NCBP3: variants seen among roughly 807,000 people sequenced by gnomAD.
NCBP3 encodes nuclear cap binding subunit 3, also known as nuclear cap-binding protein subunit 3.
In NCBP3, 20 loss-of-function variants were observed where a neutral mutation model predicts 75.7. The observed-to-expected ratio is 0.26, with a 90% CI of 0.19 to 0.38. NCBP3 has a LOEUF of 0.38. NCBP3 is among the 10% of genes least tolerant of loss of function. The probability of loss-of-function intolerance (pLI) is 1.00; values close to 1 mark genes in which losing one functional copy is unlikely to be tolerated. For missense variants in NCBP3, 678 were observed against 796.9 expected, an observed-to-expected ratio of 0.85 and a Z score of 1.80; for synonymous variants, 293 against 290.5, an observed-to-expected ratio of 1.01 and a Z score of -0.09.
At position 3,809,104 on chromosome 17, in the gene NCBP3, G is replaced by T. The variant is rs2053368519; in HGVS notation, c.*3940C>A. ...TGCTAGACGGCCTGGGCAACATAAC[G>T]AAACCCCATCTGTACAAAATGTATT... On this transcript the variant is annotated 3_prime_UTR_variant, in exon 13 of 13. Coordinates refer to ENST00000389005, the MANE Select transcript of NCBP3 (RefSeq NM_001114118.3). The T allele has an allele frequency of 6.6e-6, 1 of 151,740 alleles. No individual in the cohort carries two copies. Among genetic ancestry groups the T allele is most frequent in the African/African-American group, 2.4e-5 (1 of 41,254 alleles). 9.4% of individuals were successfully genotyped at this position (151,740 alleles called of 1,614,324 possible).
chr17:3,826,749 AAG>A (rs751771558), intron 4 of NCBP3, among the ~76,000 whole-genome samples: 14 of 151,488 alleles, frequency 9.2e-5, no homozygotes, highest in African/African-American at 2.7e-4. Context: ...AAGAAAGAAA[AAG>A]AGAGAGAGAG....
At chr17:3,843,244 T>C (rs1395022586) in intron 1 of NCBP3, 93 bp from the exon 2 acceptor site, 2 of 155,526 alleles carry the variant, frequency 1.3e-5, no homozygotes, top group Admixed American at 1.6e-4. Flanking sequence ...TCTTTTTTCC[T>C]TTTTTTTTTT....
chr17:3,821,862 T>A, intron 8 of NCBP3, 91 bp downstream of exon 8: 1 of 782,524 alleles, frequency 1.3e-6, no homozygotes, highest in Non-Finnish European at 2.1e-6. Flanking sequence ...TCCTTCCAGT[T>A]TACACAGGGT....
At chr17:3,843,543 C>A (rs2054104561) in intron 1 of NCBP3, among the ~76,000 whole-genome samples, 1 of 152,148 alleles carries the variant, frequency 6.6e-6, no homozygotes, top group Admixed American at 6.5e-5. Context: ...CTGGTTCTTT[C>A]TGTTTTTCTG....
At chr17:3,842,996 G>A in intron 2 of NCBP3, 90 bp downstream of exon 2, 1 of 1,087,254 alleles carries the variant, frequency 9.2e-7, no homozygotes. Context: ...CAAAATAAAA[G>A]AGGAAATATT....
intron 3 of NCBP3, among the ~76,000 whole-genome samples, chr17:3,829,706 G>A (rs1008257097): frequency 6.6e-6 from 1 of 152,156 alleles, no homozygotes; most frequent in Non-Finnish European, 1.5e-5. Context: ...TTAGCCAGCT[G>A]CTTCTAAAAT....
At chr17:3,814,544 GCCTGACA>G in intron 11 of NCBP3, 61 bp from the exon 12 acceptor site, 1 of 1,569,446 alleles carries the variant, frequency 6.4e-7, no homozygotes, top group Non-Finnish European at 8.7e-7. Context: ...GGCACCAGCC[GCCTGACA>G]CCTCTAACGG....
intron 3 of NCBP3, among the ~76,000 whole-genome samples, chr17:3,832,163 G>A (rs1192191303): frequency 1.1e-5 from 1 of 92,130 alleles, no homozygotes; most frequent in African/African-American, 3.1e-5. Flanking sequence ...CAGACTGGGC[G>A]ACAGGGCAAG....
chr17:3,815,048 A>G (rs1567580521), intron 11 of NCBP3, among the ~76,000 whole-genome samples: 1 of 152,178 alleles, frequency 6.6e-6, no homozygotes, highest in Non-Finnish European at 1.5e-5. Flanking sequence ...CTTCTCTCAG[A>G]GAGCAGCACC....
chr17:3,813,837 T>C (rs535794577), intron 12 of NCBP3, among the ~76,000 whole-genome samples: 8 of 152,130 alleles, frequency 5.3e-5, no homozygotes, highest in African/African-American at 1.9e-4. Context: ...CTCATTTTTG[T>C]GTTTTTAGTA....
intron 3 of NCBP3, among the ~76,000 whole-genome samples, chr17:3,834,747 AAAAT>A (rs901268425): frequency 6.3e-4 from 96 of 152,292 alleles, no homozygotes; most frequent in African/African-American, 2.1e-3. Context: ...CCATCTCTAA[AAAAT>A]AAATAAATAA....
rs1225829444 is a variant in NCBP3, at chr17:3,816,328, C to T, written c.1311-58G>A. On this transcript the variant is annotated intron_variant, in intron 10 of 12. Coordinates refer to ENST00000389005, the MANE Select transcript of NCBP3 (RefSeq NM_001114118.3). ...ACCAACTTCAACTGTGAGACAAGAC[C>T]CAAACAACAATCTCATACTTTGGAG... is the stretch of plus-strand genomic sequence containing the variant. 6.8e-6 allele frequency: 10 copies of T among 1,468,566 alleles called. No homozygotes were observed. In the African/African-American group the frequency reaches 8.5e-5, roughly 13 times the overall value. 91.0% of individuals were successfully genotyped at this position (1,468,566 alleles called of 1,614,324 possible). A position where few individuals can be genotyped will look rare whatever the true frequency, so the allele number is the denominator to read the frequency against.
rs2054094882 is a variant in NCBP3, at chr17:3,843,078, T to C, written c.249+8A>G. 1 of 1,547,592 alleles carries C rather than the reference T, an allele frequency of 6.5e-7. No individual in the cohort carries two copies. The highest frequency in any genetic ancestry group is 8.7e-7 in the Non-Finnish European group (1 of 1,143,438). ...CAAGCTGAATAAATAAATCATAGCC[T>C]GTCTTACCTTGGAGGTGACATCAAT... is the stretch of plus-strand genomic sequence containing the variant. On this transcript the variant is annotated splice_region_variant and intron_variant, in intron 2 of 12. Coordinates refer to ENST00000389005, the MANE Select transcript of NCBP3 (RefSeq NM_001114118.3).
At position 3,818,562 on chromosome 17, in the gene NCBP3, A is replaced by ATTC; in HGVS notation, c.1008_1010dup (p.Val336_Asn337insLys). ...CCTCTTCAATGGGTTCCTCGGGAAC[A>ATTC]TTCACTAGCCCTGAAGAAATTTAAC... On this transcript the variant is annotated inframe_insertion, in exon 10 of 13. Coordinates refer to ENST00000389005, the MANE Select transcript of NCBP3 (RefSeq NM_001114118.3). The surrounding 1 kb of genome is among the most constrained non-coding windows in gnomAD (Gnocchi z 4.7). 6.2e-7 allele frequency: 1 copy of ATTC among 1,605,106 alleles called. No homozygotes were observed. The highest frequency in any genetic ancestry group is 8.5e-7 in the Non-Finnish European group (1 of 1,178,934).
At position 3,846,153 on chromosome 17, in the gene NCBP3, G is replaced by C; in HGVS notation, c.71C>G (p.Pro24Arg). The C allele has an allele frequency of 6.5e-7, 1 of 1,537,726 alleles. No homozygotes were observed. The highest frequency in any genetic ancestry group is 2.0e-5 in the Admixed American group (1 of 50,254). Residue 24 changes from proline (P) to arginine (R), a missense_variant, in exon 1 of 13, where the codon CCG (proline) becomes CGG (arginine). Transcript: ENST00000389005. This position sits in a 1 kb window ranked among gnomAD's most constrained non-coding sequence, Gnocchi z 4.6. ...EAPAGPALGL[P>R]SPEAESGVDR... Reference sequence around the variant, plus strand: ...AACACCGGACTCCGCCTCAGGGGACGGGAGCCCCAGGGCCGGCCCCGCCGG... The same window carrying C: ...AACACCGGACTCCGCCTCAGGGGACCGGAGCCCCAGGGCCGGCCCCGCCGG...
intron 1 of NCBP3, among the ~76,000 whole-genome samples, chr17:3,843,503 G>A (rs1296931628): frequency 6.6e-6 from 1 of 152,190 alleles, no homozygotes; most frequent in South Asian, 2.1e-4. Context: ...CAAAGTGTTA[G>A]GATCACATGT....
chr17:3,818,578 G>T lies in NCBP3; in HGVS notation c.1001-6C>A, dbSNP rs773440878. 6.3e-7 allele frequency: 1 copy of T among 1,590,606 alleles called. No individual in the cohort carries two copies. Among genetic ancestry groups the T allele is most frequent in the Non-Finnish European group, 8.5e-7 (1 of 1,172,504 alleles). ...CTCGGGAACATTCACTAGCCCTGAA[G>T]AAATTTAACCAGAAAACATTAGGAA... On this transcript the variant is annotated splice_region_variant and splice_polypyrimidine_tract_variant and intron_variant, in intron 9 of 12. Coordinates refer to ENST00000389005, the MANE Select transcript of NCBP3 (RefSeq NM_001114118.3). This position sits in a 1 kb window ranked among gnomAD's most constrained non-coding sequence, Gnocchi z 4.7.
At chr17:3,845,504 C>CGG (rs113119471) in intron 1 of NCBP3, among the ~76,000 whole-genome samples, 23 of 151,666 alleles carry the variant, frequency 1.5e-4, no homozygotes, top group African/African-American at 4.8e-4. Flanking sequence ...ACTGGAGCTG[C>CGG]GGGGGGGGCA....
intron 1 of NCBP3, among the ~76,000 whole-genome samples, chr17:3,844,791 G>C (rs933925441): frequency 6.6e-6 from 1 of 152,158 alleles, no homozygotes; most frequent in Non-Finnish European, 1.5e-5. Context: ...CGGAGGTTGC[G>C]GTGAGCCAAG....
Sources: allele counts gnomAD v4.1 joint callset (sites outside exome capture counted in the v4.1 genomes callset), GRCh38; gene constraint gnomAD v4.1.1; non-coding constraint Gnocchi (gnomAD v3.1); transcripts MANE v1.5; gene names NCBI Gene and HGNC (gene_info 2026-07-23, HGNC 2026-07-21).